Variants in TIAM1 observed in about 807,000 individuals in gnomAD.
TIAM1 encodes TIAM Rac1 associated GEF 1, also known as rho guanine nucleotide exchange factor TIAM1.
Under a neutral mutation model 163.5 loss-of-function variants are expected in TIAM1, and 65 were observed. The ratio of observed to expected loss-of-function variants is 0.40; its 90% CI spans 0.33 to 0.49. The LOEUF is 0.49. Ranked by LOEUF, TIAM1 falls within the 20% of genes least tolerant of loss-of-function variation. TIAM1 has a pLI of 0.77. For synonymous variants in TIAM1, 833 were observed against 810.1 expected, an observed-to-expected ratio of 1.03 and a Z score of -0.48; for missense variants, 1,789 against 2,044.7, an observed-to-expected ratio of 0.87 and a Z score of 2.41.
chr21:31,206,805 T>C (rs886794561), intron 11 of TIAM1, among the ~76,000 whole-genome samples: 1 of 146,016 alleles, frequency 6.8e-6, no homozygotes, highest in Admixed American at 6.9e-5. Flanking sequence ...GCCTTAGAGC[T>C]CCTAATCCAT....
At chr21:31,295,840 T>C (rs2074239558) in intron 2 of TIAM1, among the ~76,000 whole-genome samples, 1 of 152,132 alleles carries the variant, frequency 6.6e-6, no homozygotes, top group Non-Finnish European at 1.5e-5. Flanking sequence ...TGAGACGGAT[T>C]GGGCTGGAGT....
At chr21:31,502,364 T>G (rs1331313390) in intron 1 of TIAM1, among the ~76,000 whole-genome samples, 1 of 152,060 alleles carries the variant, frequency 6.6e-6, no homozygotes. Flanking sequence ...CTCGAACTCC[T>G]GGGCTCACGC....
At chr21:31,147,885 G>C (rs1601291014) in intron 19 of TIAM1, among the ~76,000 whole-genome samples, 1 of 142,368 alleles carries the variant, frequency 7.0e-6, no homozygotes, top group Non-Finnish European at 1.5e-5. Flanking sequence ...TTGAGGCTTA[G>C]AATTAAAAGG....
chr21:31,120,423 A>G lies in TIAM1; in HGVS notation c.4721T>C (p.Ile1574Thr), dbSNP rs2081954103. The change falls in exon 28 of 28, where the codon ATT becomes ACT. Residue 1574 changes from isoleucine (I) to threonine (T), a missense_variant. Physicochemically the swap from Ile to Thr is moderately conservative, Grantham distance 89. Coordinates refer to ENST00000541036, the MANE Select transcript of TIAM1 (RefSeq NM_001353694.2). This position sits in a 1 kb window ranked among gnomAD's most constrained non-coding sequence, Gnocchi z 4.2. ...GGCAAAGTCTTCACGCCTAACCCAA[A>G]TGACTTCCTCGCTTGCGCTCTCCAG... ...GGLESASEEV[I>T]WVRREDFAPS... 6.2e-7 allele frequency: 1 copy of G among 1,614,112 alleles called. No homozygotes were observed. The highest frequency in any genetic ancestry group is 8.5e-7 in the Non-Finnish European group (1 of 1,180,010).
At position 31,266,996 on chromosome 21, in the gene TIAM1, G is replaced by A. The variant is rs374984290; in HGVS notation, c.-11-13C>T. The A allele has an allele frequency of 1.1e-4, 170 of 1,573,086 alleles. No individual in the cohort carries two copies. The highest frequency in any genetic ancestry group is 1.7e-4 in the Middle Eastern group (1 of 5,866). ...ATGGTTTTATGGTCTGCAGCAAAGCGGGGGGAAAGGGGAGAATTGAGTCAC... is the reference window on the plus strand; with the variant it reads ...ATGGTTTTATGGTCTGCAGCAAAGCAGGGGGAAAGGGGAGAATTGAGTCAC... On this transcript the variant is annotated splice_polypyrimidine_tract_variant and intron_variant, in intron 3 of 27. Coordinates refer to ENST00000541036, the MANE Select transcript of TIAM1 (RefSeq NM_001353694.2).
At chr21:31,332,434 G>C (rs780368316) in intron 2 of TIAM1, among the ~76,000 whole-genome samples, 1 of 152,050 alleles carries the variant, frequency 6.6e-6, no homozygotes, top group African/African-American at 2.4e-5. Flanking sequence ...GAAGAGTCAG[G>C]AAGAGCCCAG....
chr21:31,215,698 T>C (rs948768414), intron 9 of TIAM1, among the ~76,000 whole-genome samples: 1 of 152,172 alleles, frequency 6.6e-6, no homozygotes, highest in African/African-American at 2.4e-5. Flanking sequence ...CTCCACAGTT[T>C]TTTCTTTAGA....
chr21:31,461,676 GT>G (rs1157479359), intron 2 of TIAM1, among the ~76,000 whole-genome samples: 1 of 152,106 alleles, frequency 6.6e-6, no homozygotes, highest in Non-Finnish European at 1.5e-5. Flanking sequence ...CCTTTTGTGT[GT>G]GTGTGAGAGA....
At chr21:31,232,347 T>C (rs1318292327) in intron 6 of TIAM1, among the ~76,000 whole-genome samples, 1 of 152,104 alleles carries the variant, frequency 6.6e-6, no homozygotes, top group Non-Finnish European at 1.5e-5. Context: ...GCTCCCACTG[T>C]CTTGTCTAAA....
chr21:31,309,007 C>T (rs1213647093), intron 2 of TIAM1, among the ~76,000 whole-genome samples: 1 of 145,542 alleles, frequency 6.9e-6, no homozygotes, highest in Non-Finnish European at 1.5e-5. Flanking sequence ...CTTCACCATT[C>T]TGGGCCTTAC....
intron 2 of TIAM1, among the ~76,000 whole-genome samples, chr21:31,320,324 A>C (rs2075270915): frequency 6.6e-6 from 1 of 152,118 alleles, no homozygotes; most frequent in Non-Finnish European, 1.5e-5. Flanking sequence ...AATGGGAGCT[A>C]TTGCTTGCTG....
Position 31,415,093 on chromosome 21 carries a change from C to T in TIAM1, c.-369+48890G>A, listed in dbSNP as rs542770020. ...TACACCTATAAAACTAAAGCTAGGG[C>T]AAAATCAGCAGTCCACGTAAAACAA... On this transcript the variant is annotated intron_variant, in intron 2 of 28. Coordinates refer to the TIAM1 transcript ENST00000286827. Among the ~76,000 whole-genome samples, 473 of 152,226 alleles carry T rather than the reference C, an allele frequency of 3.1e-3. 2 individuals are homozygous for T. The highest frequency in any genetic ancestry group is 0.011 in the African/African-American group (458 of 41,520).
At chr21:31,388,489 G>GAAATAAAATAAAATA (rs112227562) in intron 2 of TIAM1, among the ~76,000 whole-genome samples, 342 of 150,334 alleles carry the variant, frequency 2.3e-3, no homozygotes, top group African/African-American at 8.0e-3. Context: ...AAAAATAAAT[G>GAAATAAAATAAAATA]AAATAAAATA....
At chr21:31,396,507 T>C (rs1220522880) in intron 2 of TIAM1, among the ~76,000 whole-genome samples, 3 of 151,922 alleles carry the variant, frequency 2.0e-5, no homozygotes, top group Non-Finnish European at 2.9e-5. Context: ...CCCGAAACAC[T>C]GTCTGGCTCT....
chr21:31,201,865 A>G (rs113070996), intron 12 of TIAM1, among the ~76,000 whole-genome samples: 108 of 152,324 alleles, frequency 7.1e-4, no homozygotes, highest in African/African-American at 2.4e-3. Context: ...TGACAAACGC[A>G]CCACTTTGCT....
chr21:31,382,023 T>C (rs1222250791), intron 2 of TIAM1, among the ~76,000 whole-genome samples: 13 of 152,208 alleles, frequency 8.5e-5, no homozygotes, highest in Admixed American at 7.9e-4. Context: ...GGTATTTCAC[T>C]ATAGCAGTTC....
intron 2 of TIAM1, among the ~76,000 whole-genome samples, chr21:31,308,789 G>A (rs1313123451): frequency 2.0e-5 from 3 of 152,140 alleles, no homozygotes; most frequent in South Asian, 2.1e-4. Flanking sequence ...CAAGGAGTTT[G>A]AACTTGATTC....
intron 5 of TIAM1, among the ~76,000 whole-genome samples, chr21:31,247,841 G>A (rs2071588874): frequency 1.3e-5 from 2 of 152,178 alleles, no homozygotes; most frequent in African/African-American, 4.8e-5. Context: ...TGAAAAAGCA[G>A]AATAATCTGT....
intron 3 of TIAM1, among the ~76,000 whole-genome samples, chr21:31,269,676 T>G (rs1242174108): frequency 1.2e-3 from 180 of 150,034 alleles, no homozygotes; most frequent in Middle Eastern, 3.4e-3. Flanking sequence ...TGTTTGTTTT[T>G]TTTTTTTTTT....
Sources: allele counts gnomAD v4.1 joint callset (sites outside exome capture counted in the v4.1 genomes callset), GRCh38; gene constraint gnomAD v4.1.1; non-coding constraint Gnocchi (gnomAD v3.1); transcripts MANE v1.5; gene names NCBI Gene and HGNC (gene_info 2026-07-23, HGNC 2026-07-21).